Variants in MYH3 observed in about 807,000 individuals in gnomAD.
MYH3 encodes the protein myosin heavy chain 3.
A neutral mutation model predicts 238.0 loss-of-function variants in MYH3; 130 were observed. The observed-to-expected ratio is 0.55, with a 90% CI of 0.47 to 0.63. MYH3 has a LOEUF of 0.63. Among genes scored for constraint, MYH3 ranks in the 30% least tolerant of loss-of-function variants. MYH3 has a pLI of 0.00. For missense variants in MYH3, 1,853 were observed against 2,374.9 expected (o/e 0.78, Z 4.57); for synonymous variants, 880 against 924.1 (o/e 0.95, Z 0.86).
In MYH3 at chr17:10,641,167, G is replaced by A. The variant is rs767298033; in HGVS notation, c.2083C>T (p.Arg695Trp). The A allele has an allele frequency of 3.7e-6, 6 of 1,614,068 alleles. No homozygotes were observed. The highest frequency in any genetic ancestry group is 1.1e-5 in the South Asian group (1 of 91,084). ...ATGCCCTCCAGGACACCGTTACACC[G>A]CAGCTGGTGCAGAACAAGGCTGTGT... ...MEHSLVLHQL[R>W]CNGVLEGIRI... The change falls in exon 19 of 41, where the codon CGG becomes TGG. Residue 695 changes from arginine (R) to tryptophan (W), a missense_variant. Around this residue, in one of 3 missense-constraint regions of MYH3, gnomAD observed 678 missense variants for 1,058.9 expected, o/e 0.64. Coordinates refer to ENST00000583535, the MANE Select transcript of MYH3 (RefSeq NM_002470.4).
chr17:10,671,572 A>ATTTTTTTT, the MYH3 span, among the ~76,000 whole-genome samples: 2 of 82,308 alleles, frequency 2.4e-5, no homozygotes, highest in Non-Finnish European at 2.3e-5. Flanking sequence ...TCTCAGGGTC[A>ATTTTTTTT]TTTTTTTTTT....
intron 20 of MYH3, 43 bp from the exon 21 acceptor site, chr17:10,640,512 G>A (rs1229116108): frequency 6.2e-7 from 1 of 1,614,258 alleles, no homozygotes; most frequent in East Asian, 2.2e-5. Context: ...TCCTAGAGAA[G>A]CTGTGTCAAG....
rs1387764580 is a variant in MYH3 at position 10,629,639 on chromosome 17, G to A, written c.5754C>T (p.Val1918=). The A allele has an allele frequency of 6.2e-7, 1 of 1,614,112 alleles. No individual in the cohort carries two copies. Among genetic ancestry groups the A allele is most frequent in the Non-Finnish European group, 8.5e-7 (1 of 1,180,050 alleles). ...CTCGAGTCTTAGCGCGGAGCTTGTT[G>A]ACTTGAGATTCTGCGATATCCGCAC... ...EERADIAESQ[V]NKLRAKTRDF... is the part of the protein sequence containing the mutation. Residue 1918 remains valine (V), a synonymous_variant, in exon 40 of 41, where the codon GTC becomes GTT. Coordinates refer to ENST00000583535, the MANE Select transcript of MYH3 (RefSeq NM_002470.4).
In MYH3 at chr17:10,631,739, A is replaced by G. The variant is rs1372600237; in HGVS notation, c.5161-3T>C. 1.9e-6 allele frequency: 3 copies of G among 1,614,020 alleles called. No individual in the cohort carries two copies. The Admixed American group carries it at 5.0e-5, about 27-fold the overall frequency. ...TTGGTGTGGATGAGGCTGGTGTTCT[A>G]GGGCAAGAGGAGGGCTGTTAACCAG... On this transcript the variant is annotated splice_polypyrimidine_tract_variant and splice_region_variant and intron_variant, in intron 35 of 40. Coordinates refer to ENST00000583535, the MANE Select transcript of MYH3 (RefSeq NM_002470.4).
Position 10,654,728 on chromosome 17 carries a change from A to G in MYH3, c.204+133T>C. Reference sequence around the variant, plus strand: ...TCTCTGAGGATACCTGGGAAGCCCCAGGCTACATTGTATGCGGCATTCCAG... The same window carrying G: ...TCTCTGAGGATACCTGGGAAGCCCCGGGCTACATTGTATGCGGCATTCCAG... On this transcript the variant is annotated intron_variant, in intron 3 of 40. Coordinates refer to ENST00000583535, the MANE Select transcript of MYH3 (RefSeq NM_002470.4). This position sits in a 1 kb window ranked among gnomAD's most constrained non-coding sequence, Gnocchi z 4.5. 1.2e-6 allele frequency: 1 copy of G among 860,454 alleles called. No homozygotes were observed. The highest frequency in any genetic ancestry group is 1.3e-5 in the South Asian group (1 of 74,794). The allele number at this position is 860,454 out of a possible 1,614,324, so 53.3% of individuals were successfully genotyped here.
intron 28 of MYH3, among the ~76,000 whole-genome samples, chr17:10,637,306 C>T (rs543965774): frequency 6.6e-6 from 1 of 152,046 alleles, no homozygotes; most frequent in South Asian, 2.1e-4. Context: ...GTGATCCGCC[C>T]GCCTCGGCCT....
chr17:10,664,361 G>T, the MYH3 span, among the ~76,000 whole-genome samples: 1 of 152,120 alleles, frequency 6.6e-6, no homozygotes, highest in East Asian at 1.9e-4. Context: ...GCTTGGGGTA[G>T]GTAGCTAGTG....
In MYH3 at chr17:10,631,627, T is replaced by C; in HGVS notation, c.5270A>G (p.Lys1757Arg). ...ACGCCTTACGTCCGTGATGGCCTTC[T>C]TGGCCTTCTCCTCAGCGTTCCTTGC... ...RDARNAEEKAKKAITDAAMMA... is the reference protein window; with the variant it reads ...RDARNAEEKARKAITDAAMMA... The change falls in exon 36 of 41, where the codon AAG (lysine) becomes AGG (arginine). Residue 1757 changes from lysine to arginine, a missense_variant. Lys to Arg is a conservative substitution (Grantham distance 26). Around this residue, in one of 3 missense-constraint regions of MYH3, gnomAD observed 1,044 missense variants for 1,192.6 expected, o/e 0.88. Coordinates refer to ENST00000583535, the MANE Select transcript of MYH3 (RefSeq NM_002470.4). 2 of 1,614,160 alleles carry C rather than the reference T, an allele frequency of 1.2e-6. No individual in the cohort carries two copies. Among genetic ancestry groups the C allele is most frequent in the South Asian group, 1.1e-5 (1 of 91,078 alleles).
At chr17:10,652,049 T>G in intron 4 of MYH3, 1 of 389,034 alleles carries the variant, frequency 2.6e-6, no homozygotes, top group Non-Finnish European at 4.9e-6. Context: ...CTGCCTTTAT[T>G]ATTATCTCAT....
chr17:10,653,167 G>A (rs1239300018), intron 3 of MYH3, among the ~76,000 whole-genome samples: 1 of 152,184 alleles, frequency 6.6e-6, no homozygotes, highest in East Asian at 1.9e-4. Context: ...GGGTGGATAT[G>A]GGTGATGGTG....
rs1260820641 is a variant in MYH3, at chr17:10,635,737, T to C, written c.3973A>G (p.Lys1325Glu). 6.2e-7 allele frequency: 1 copy of C among 1,613,876 alleles called. No homozygotes were observed. The highest frequency in any genetic ancestry group is 2.2e-5 in the East Asian group (1 of 44,876). Residue 1325 changes from lysine to glutamate, a missense_variant and splice_region_variant, in exon 29 of 41, where the codon AAG becomes GAG. Lys to Glu is a moderately conservative substitution (Grantham distance 56). This residue lies in a region of MYH3 where 1,044 missense variants were observed against 1,192.6 expected (regional missense o/e 0.88). Coordinates refer to ENST00000583535, the MANE Select transcript of MYH3 (RefSeq NM_002470.4). ...GAAGTCTTCCTTCAATGGTGTACCT[T>C]GTTCTCTTCCTCCAGCTGCCTCTTG... ...ELKRQLEEEN[K>E]AKNALAHALQ...
chr17:10,639,837 A>G (rs768832047), intron 22 of MYH3, 35 bp from the exon 23 acceptor site: 10 of 1,612,514 alleles, frequency 6.2e-6, no homozygotes, highest in Middle Eastern at 1.6e-4. Flanking sequence ...TCGTTGAATG[A>G]TATAAGGTTT....
Position 10,635,522 on chromosome 17 carries a change from G to A in MYH3, c.4017C>T (p.His1339=), listed in dbSNP as rs369001101. The A allele has an allele frequency of 6.6e-5, 107 of 1,614,184 alleles. No individual in the cohort carries two copies. Among genetic ancestry groups the A allele is most frequent in the Middle Eastern group, 5.0e-4 (3 of 6,056 alleles). Residue 1339 remains histidine, a synonymous_variant, in exon 30 of 41, where the codon CAC becomes CAT. Coordinates refer to ENST00000583535, the MANE Select transcript of MYH3 (RefSeq NM_002470.4). ...ACTGTTCCCGCAGCAGGTCACAGTCGTGGCGGGAGGACTGCAGGGCGTGCG... is the reference window on the plus strand; with the variant it reads ...ACTGTTCCCGCAGCAGGTCACAGTCATGGCGGGAGGACTGCAGGGCGTGCG... ...ALAHALQSSR[H]DCDLLREQYE...
intron 24 of MYH3, 21 bp downstream of exon 24, chr17:10,639,277 C>T (rs368443473): frequency 4.5e-5 from 73 of 1,614,022 alleles, no homozygotes; most frequent in Non-Finnish European, 5.8e-5. Flanking sequence ...CTGGGACTCC[C>T]GATGAGCATT....
At position 10,634,158 on chromosome 17, in the gene MYH3, A is replaced by G. The variant is rs1455480988; in HGVS notation, c.4381T>C (p.Cys1461Arg). 6.2e-7 allele frequency: 1 copy of G among 1,613,976 alleles called. No homozygotes were observed. The highest frequency in any genetic ancestry group is 1.3e-5 in the African/African-American group (1 of 74,880). The part of the protein sequence containing the change: ...DKVLAEWKTK[C>R]EESQAELEAS... ...TCCAGCTCTGCTTGGCTCTCCTCACACTTTGTCTTCCACTCTGCCAACACC... is the reference window on the plus strand; with the variant it reads ...TCCAGCTCTGCTTGGCTCTCCTCACGCTTTGTCTTCCACTCTGCCAACACC... The change falls in exon 32 of 41, where the codon TGT becomes CGT. Residue 1461 changes from cysteine to arginine, a missense_variant. Physicochemically the swap from Cys to Arg is radical, Grantham distance 180. Around this residue, in one of 3 missense-constraint regions of MYH3, gnomAD observed 1,044 missense variants for 1,192.6 expected, o/e 0.88. Transcript: ENST00000583535.
chr17:10,660,087 G>A (rs747943598), upstream of MYH3, among the ~76,000 whole-genome samples: 4 of 152,230 alleles, frequency 2.6e-5, no homozygotes, highest in African/African-American at 7.2e-5. Context: ...TGCACACCAC[G>A]TGATGGCAGG....
At chr17:10,646,162 C>A (rs1449552812) in intron 10 of MYH3, 130 bp from the exon 11 acceptor site, 13 of 784,178 alleles carry the variant, frequency 1.7e-5, no homozygotes, top group Admixed American at 2.0e-5. Flanking sequence ...AATTAAAAAT[C>A]TTTTAGACAG....
In MYH3 at chr17:10,654,957, C is replaced by T. The variant is rs776932594; in HGVS notation, c.108G>A (p.Thr36=). 17 of 1,614,050 alleles carry T rather than the reference C, an allele frequency of 1.1e-5. No homozygotes were observed. Among genetic ancestry groups the T allele is most frequent in the Admixed American group, 8.3e-5 (5 of 60,002 alleles). ...EAQNQPFDAK[T]YCFVVDSKEE... ...CCTTTGAGTCCACCACGAAGCAATA[C>T]GTCTTGGCATCAAAGGGCTGGTTCT... Residue 36 remains threonine, a synonymous_variant, in exon 3 of 41, where the codon ACG becomes ACA. Transcript: ENST00000583535. The surrounding 1 kb of genome is among the most constrained non-coding windows in gnomAD (Gnocchi z 4.5).
chr17:10,638,802 C>A, intron 26 of MYH3, 71 bp downstream of exon 26: 1 of 1,487,556 alleles, frequency 6.7e-7, no homozygotes, highest in African/African-American at 1.4e-5. Context: ...CTCTAAATGG[C>A]TTATAGCAGA....
Sources: allele counts gnomAD v4.1 joint callset (sites outside exome capture counted in the v4.1 genomes callset), GRCh38; gene constraint gnomAD v4.1.1; regional missense constraint gnomAD v4.1.1; non-coding constraint Gnocchi (gnomAD v3.1); transcripts MANE v1.5; gene names NCBI Gene and HGNC (gene_info 2026-07-23, HGNC 2026-07-21).